TMCO6: variants seen among roughly 807,000 people sequenced by gnomAD.
The protein encoded by TMCO6 is transmembrane and coiled-coil domains 6.
TMCO6 carries 47 observed loss-of-function variants against 61.8 expected under a neutral mutation model. The observed-to-expected ratio is 0.76, with a 90% CI of 0.60 to 0.97. The LOEUF (loss-of-function observed/expected upper bound fraction) is 0.97. Ranked by LOEUF, TMCO6 falls within the 50% of genes least tolerant of loss-of-function variation. The pLI is 0.00. For synonymous variants in TMCO6, 261 were observed against 254.2 expected (o/e 1.03, Z -0.25); for missense variants, 557 against 601.6 (o/e 0.93, Z 0.78).
chr5:140,631,817 CA>C, the TMCO6 span: 1 of 1,513,094 alleles, frequency 6.6e-7, no homozygotes. Flanking sequence ...CCCCTGAAGC[CA>C]AGGCAGTTTG....
At chr5:140,639,405 G>C, upstream of TMCO6, 1 of 995,520 alleles carries the variant, frequency 1.0e-6, no homozygotes, top group Non-Finnish European at 1.5e-6. Context: ...CACCCACCCC[G>C]CTCCTCGCGC....
chr5:140,639,357 C>A, upstream of TMCO6: 1 of 642,316 alleles, frequency 1.6e-6, no homozygotes, highest in Non-Finnish European at 2.7e-6. Flanking sequence ...CCACCGTCCC[C>A]GCGAGGCGTC....
chr5:140,647,598 A>C, downstream of TMCO6: 1 of 1,607,990 alleles, frequency 6.2e-7, no homozygotes, highest in Non-Finnish European at 8.5e-7. Context: ...GTTAATATCG[A>C]AGTCGCCAAT....
At chr5:140,611,756 G>A in the TMCO6 span, among the ~76,000 whole-genome samples, 1 of 152,152 alleles carries the variant, frequency 6.6e-6, no homozygotes, top group African/African-American at 2.4e-5. Flanking sequence ...CTTTCCTTGT[G>A]ATGTCTTTGC....
downstream of TMCO6, chr5:140,647,241 G>A: frequency 6.5e-7 from 1 of 1,530,518 alleles, no homozygotes; most frequent in Non-Finnish European, 8.8e-7. Flanking sequence ...CAGACCCCTG[G>A]CGTCCCGCAC....
At chr5:140,610,179 T>C in the TMCO6 span, among the ~76,000 whole-genome samples, 1 of 125,992 alleles carries the variant, frequency 7.9e-6, no homozygotes, top group African/African-American at 3.0e-5. Context: ...TGAAACCCCA[T>C]TTCTACTAAA....
At chr5:140,619,159 G>A in the TMCO6 span, among the ~76,000 whole-genome samples, 2,352 of 152,180 alleles carry the variant, frequency 0.015, 64 homozygotes, top group African/African-American at 0.053. Flanking sequence ...TAAAAAATGG[G>A]CAAAGACTTT....
downstream of TMCO6, chr5:140,645,720 T>C: frequency 6.2e-7 from 1 of 1,613,960 alleles, no homozygotes; most frequent in Middle Eastern, 1.6e-4. Flanking sequence ...TTCTGCACCC[T>C]GGAGGCTACC....
the TMCO6 span, among the ~76,000 whole-genome samples, chr5:140,620,765 C>G: frequency 1.3e-5 from 2 of 152,304 alleles, no homozygotes; most frequent in South Asian, 2.1e-4. Context: ...AATCCCAGCA[C>G]TTTGGGAGGC....
chr5:140,647,606 A>G (rs759062130), downstream of TMCO6: 1 of 1,605,958 alleles, frequency 6.2e-7, no homozygotes, highest in East Asian at 2.2e-5. Flanking sequence ...CGAAGTCGCC[A>G]ATTCCAGGTC....
intron 4 of TMCO6, 107 bp downstream of exon 4, chr5:140,642,160 T>C: frequency 6.8e-7 from 1 of 1,471,662 alleles, no homozygotes; most frequent in Non-Finnish European, 9.3e-7. Flanking sequence ...TTTGCCCTTA[T>C]GCCTACAGCC....
the TMCO6 span, chr5:140,631,742 G>A: frequency 2.0e-6 from 2 of 1,014,552 alleles, no homozygotes; most frequent in Non-Finnish European, 1.5e-6. Flanking sequence ...CGTTGTTTAA[G>A]ATTTTAATAA....
chr5:140,610,945 G>C, the TMCO6 span, among the ~76,000 whole-genome samples: 1 of 152,020 alleles, frequency 6.6e-6, no homozygotes, highest in African/African-American at 2.4e-5. Context: ...TTTGTCAAAT[G>C]CTTCTTCTGC....
At chr5:140,646,691 A>C (rs1052457699), downstream of TMCO6, among the ~76,000 whole-genome samples, 2 of 152,200 alleles carry the variant, frequency 1.3e-5, no homozygotes, top group Admixed American at 1.3e-4. Context: ...GGGTAAGTGC[A>C]TTCTAGGAAG....
the TMCO6 span, among the ~76,000 whole-genome samples, chr5:140,604,418 T>C: frequency 6.6e-6 from 1 of 151,504 alleles, no homozygotes; most frequent in Admixed American, 6.6e-5. Context: ...AAAATAAAAT[T>C]GGATTGTCTT....
downstream of TMCO6, chr5:140,647,536 C>T (rs1209170076): frequency 7.4e-6 from 12 of 1,612,234 alleles, no homozygotes; most frequent in South Asian, 2.2e-5. Flanking sequence ...GAATCTCACG[C>T]AGGCCCAGCT....
the TMCO6 span, among the ~76,000 whole-genome samples, chr5:140,618,729 AT>A: frequency 6.6e-6 from 1 of 152,070 alleles, no homozygotes; most frequent in Non-Finnish European, 1.5e-5. Flanking sequence ...CTCCCAGAGA[AT>A]TTTTTTCAAC....
chr5:140,644,708 C>A lies in TMCO6; in HGVS notation c.1336C>A (p.Leu446Met). Reference sequence around the variant, plus strand: ...TGAAGTAGTAGGCCAGAGTTTGGAGCTGCTGCATCTGCTGTTCCTGTATCA... The same window carrying A: ...TGAAGTAGTAGGCCAGAGTTTGGAGATGCTGCATCTGCTGTTCCTGTATCA... ...DTEVVGQSLE[L>M]LHLLFLYQPE... The change falls in exon 11 of 12, where the codon CTG becomes ATG. Residue 446 changes from leucine (L) to methionine (M), a missense_variant. Transcript: ENST00000394671. 1 of 1,614,230 alleles carries A rather than the reference C, an allele frequency of 6.2e-7. No homozygotes were observed. Among genetic ancestry groups the A allele is most frequent in the Non-Finnish European group, 8.5e-7 (1 of 1,180,040 alleles).
rs1036830467 is a variant in TMCO6 at position 140,642,620 on chromosome 5, A to G, written c.638A>G (p.Tyr213Cys). The G allele has an allele frequency of 1.4e-5, 23 of 1,614,242 alleles. No individual in the cohort carries two copies. Among genetic ancestry groups the G allele is most frequent in the Non-Finnish European group, 1.8e-5 (21 of 1,180,034 alleles). Reference protein sequence around the residue: ...PHVAVLEALGYALSQLLQAEE... With the variant: ...PHVAVLEALGCALSQLLQAEE... ...GTGGCTGTGCTGGAAGCTCTCGGATATGCCTTGTCCCAGCTTCTACAGGCT... is the reference window on the plus strand; with the variant it reads ...GTGGCTGTGCTGGAAGCTCTCGGATGTGCCTTGTCCCAGCTTCTACAGGCT... The change falls in exon 6 of 12, where the codon TAT becomes TGT. Residue 213 changes from tyrosine (Y) to cysteine (C), a missense_variant. By Grantham distance (194) the Tyr-to-Cys change is radical (BLOSUM62 -2). Coordinates refer to ENST00000394671, the MANE Select transcript of TMCO6 (RefSeq NM_018502.5).
Sources: allele counts gnomAD v4.1 joint callset (sites outside exome capture counted in the v4.1 genomes callset), GRCh38; gene constraint gnomAD v4.1.1; transcripts MANE v1.5; gene names NCBI Gene and HGNC (gene_info 2026-07-23, HGNC 2026-07-21).